The following PCSK2 variants were observed in gnomAD, a reference collection of about 807,000 sequenced individuals.
PCSK2 encodes proprotein convertase subtilisin/kexin type 2.
PCSK2 carries 14 observed loss-of-function variants against 69.7 expected under a neutral mutation model. That is an observed-to-expected ratio of 0.20 (90% CI 0.13 to 0.31). The LOEUF (loss-of-function observed/expected upper bound fraction) is 0.31. PCSK2 is among the 10% of genes least tolerant of loss of function. The pLI is 1.00. For synonymous variants in PCSK2, 307 were observed against 320.7 expected (o/e 0.96, Z 0.46); for missense variants, 544 against 842.5 (o/e 0.65, Z 4.39).
chr20:17,418,169 G>T (rs192921810), intron 6 of PCSK2, among the ~76,000 whole-genome samples: 1 of 152,212 alleles, frequency 6.6e-6, no homozygotes. Context: ...TGTTTTGCAT[G>T]TATTCATTCA....
intron 4 of PCSK2, 120 bp downstream of exon 4, chr20:17,360,760 G>A (rs1011634085): frequency 3.0e-6 from 2 of 662,430 alleles, no homozygotes; most frequent in East Asian, 2.7e-5. Context: ...TACTGGGCAT[G>A]ATGGCCACAC....
chr20:17,467,434 C>A (rs1029347999), intron 11 of PCSK2, among the ~76,000 whole-genome samples: 2 of 152,202 alleles, frequency 1.3e-5, no homozygotes, highest in African/African-American at 4.8e-5. Flanking sequence ...AGTGGCAAGT[C>A]TAATGGCCAC....
At chr20:17,339,902 C>A (rs1034652750) in intron 2 of PCSK2, among the ~76,000 whole-genome samples, 5 of 152,206 alleles carry the variant, frequency 3.3e-5, no homozygotes, top group Non-Finnish European at 5.9e-5. Context: ...ATGGACATGT[C>A]ATAAGTTAAT....
Position 17,369,241 on chromosome 20 carries a change from G to T in PCSK2, c.507G>T (p.Gly169=). Residue 169 remains glycine (G), a splice_region_variant and synonymous_variant, in exon 5 of 12, where the codon GGG becomes GGT. Transcript: ENST00000262545. ...TGTGTTATTGTTGTCTTTTCACAGG[G>T]ATTGACTATCTCCACCCGGACCTGG... is the stretch of plus-strand genomic sequence containing the variant. ...KGVTIGIMDD[G]IDYLHPDLAS... is the part of the protein sequence containing the mutation. 2 of 1,613,696 alleles carry T rather than the reference G, an allele frequency of 1.2e-6. No individual in the cohort carries two copies. Among genetic ancestry groups the T allele is most frequent in the Non-Finnish European group, 1.7e-6 (2 of 1,179,696 alleles).
intron 2 of PCSK2, among the ~76,000 whole-genome samples, chr20:17,314,279 T>C (rs1358047823): frequency 6.6e-6 from 1 of 152,194 alleles, no homozygotes; most frequent in Non-Finnish European, 1.5e-5. Context: ...TCAGCGGGCA[T>C]CAACTTTGCA....
intron 11 of PCSK2, among the ~76,000 whole-genome samples, chr20:17,467,752 C>T (rs977517392): frequency 2.6e-5 from 4 of 152,084 alleles, no homozygotes; most frequent in African/African-American, 7.2e-5. Flanking sequence ...GTTTTTCCTC[C>T]GCAGGCTGCT....
At chr20:17,294,332 T>G (rs1753323002) in intron 2 of PCSK2, among the ~76,000 whole-genome samples, 1 of 151,880 alleles carries the variant, frequency 6.6e-6, no homozygotes, top group Non-Finnish European at 1.5e-5. Flanking sequence ...GGTCTCGATC[T>G]CCTGACCTCG....
chr20:17,250,931 C>A (rs1236626544), intron 1 of PCSK2, among the ~76,000 whole-genome samples: 2 of 152,026 alleles, frequency 1.3e-5, no homozygotes, highest in Non-Finnish European at 2.9e-5. Context: ...AAAACCTGAT[C>A]TCTACTAAAA....
chr20:17,354,900 G>GA (rs11479314), intron 2 of PCSK2, among the ~76,000 whole-genome samples: 33 of 149,088 alleles, frequency 2.2e-4, no homozygotes, highest in Middle Eastern at 3.4e-3. Context: ...TCATTGTGGG[G>GA]AAAAAAAAAA....
At chr20:17,357,650 T>G (rs963658393) in intron 2 of PCSK2, among the ~76,000 whole-genome samples, 7 of 152,274 alleles carry the variant, frequency 4.6e-5, no homozygotes, top group East Asian at 1.9e-4. Flanking sequence ...ATCCCAGCAC[T>G]TTGGGAAGCC....
At chr20:17,376,329 C>T (rs1040428345) in intron 5 of PCSK2, among the ~76,000 whole-genome samples, 9 of 152,232 alleles carry the variant, frequency 5.9e-5, no homozygotes, top group South Asian at 2.1e-4. Context: ...GAACTGTGGA[C>T]TCGTAAGCTA....
intron 2 of PCSK2, among the ~76,000 whole-genome samples, chr20:17,296,055 CTG>C (rs955759005): frequency 2.6e-5 from 4 of 152,130 alleles, no homozygotes; most frequent in African/African-American, 9.7e-5. Flanking sequence ...GTGCAGGACT[CTG>C]ATGTGTTTCA....
intron 2 of PCSK2, among the ~76,000 whole-genome samples, chr20:17,306,419 T>C (rs898700984): frequency 6.6e-6 from 1 of 152,166 alleles, no homozygotes; most frequent in African/African-American, 2.4e-5. Context: ...ATTGTTTGAA[T>C]TCTCAAACAG....
rs181484218 is a variant in PCSK2, at chr20:17,466,106, T to G, written c.1430+553T>G. 1.2e-3 allele frequency among the ~76,000 whole-genome samples: 187 copies of G among 152,318 alleles called. 3 individuals carry two copies. Among genetic ancestry groups the G allele is most frequent in the Admixed American group, 5.6e-3 (85 of 15,308 alleles). ...CTGTTTCAGTGATGTATGCCATTAT[T>G]TCTAAGGGCACAAATCAACCACTAT... On this transcript the variant is annotated intron_variant, in intron 11 of 11. Coordinates refer to ENST00000262545, the MANE Select transcript of PCSK2 (RefSeq NM_002594.5).
intron 2 of PCSK2, among the ~76,000 whole-genome samples, chr20:17,338,401 T>C (rs1990418890): frequency 6.6e-6 from 1 of 152,100 alleles, no homozygotes; most frequent in South Asian, 2.1e-4. Context: ...TTCATCATGT[T>C]AGTCAGACTG....
intron 7 of PCSK2, 30 bp downstream of exon 7, chr20:17,429,553 C>G (rs1255995069): frequency 7.2e-7 from 1 of 1,397,594 alleles, no homozygotes; most frequent in South Asian, 1.2e-5. Flanking sequence ...CAGAGGCCCC[C>G]ACTAGGTATC....
intron 1 of PCSK2, among the ~76,000 whole-genome samples, chr20:17,233,862 A>C (rs1038704173): frequency 6.6e-6 from 1 of 152,152 alleles, no homozygotes; most frequent in African/African-American, 2.4e-5. Context: ...AGTCATGTGT[A>C]CTTCTTCCAT....
At chr20:17,274,465 A>G (rs1987982198) in intron 2 of PCSK2, among the ~76,000 whole-genome samples, 1 of 152,196 alleles carries the variant, frequency 6.6e-6, no homozygotes, top group African/African-American at 2.4e-5. Context: ...TTCTGGGCAT[A>G]GCCAGCCCCT....
At chr20:17,475,641 T>C (rs2053526771) in intron 11 of PCSK2, among the ~76,000 whole-genome samples, 1 of 152,132 alleles carries the variant, frequency 6.6e-6, no homozygotes, top group Non-Finnish European at 1.5e-5. Flanking sequence ...TCTGCCAGAG[T>C]TTCTACAAAT....
Sources: allele counts gnomAD v4.1 joint callset (sites outside exome capture counted in the v4.1 genomes callset), GRCh38; gene constraint gnomAD v4.1.1; transcripts MANE v1.5; gene names NCBI Gene and HGNC (gene_info 2026-07-23, HGNC 2026-07-21).